The following BTBD9 variants were observed in gnomAD, a reference collection of about 807,000 sequenced individuals.
The protein encoded by BTBD9 is BTB/POZ domain-containing protein 9.
Under a neutral mutation model 64.3 loss-of-function variants are expected in BTBD9, and 49 were observed. The observed-to-expected ratio is 0.76, with a 90% CI of 0.61 to 0.97. The LOEUF is 0.97. BTBD9 is among the 50% of genes least tolerant of loss of function. BTBD9 has a pLI of 0.00. For synonymous variants in BTBD9, 260 were observed against 274.7 expected, an observed-to-expected ratio of 0.95 and a Z score of 0.53; for missense variants, 598 against 762.1, an observed-to-expected ratio of 0.78 and a Z score of 2.53.
intron 6 of BTBD9, among the ~76,000 whole-genome samples, chr6:38,570,228 G>A (rs1775700920): frequency 2.0e-5 from 3 of 152,110 alleles, no homozygotes; most frequent in Admixed American, 2.0e-4. Context: ...CTCCCCTACA[G>A]GATTGCTGGA....
In BTBD9 at chr6:38,597,929, C is replaced by T. The variant is rs1161124174; in HGVS notation, c.166G>A (p.Ala56Thr). The T allele has an allele frequency of 1.2e-6, 2 of 1,613,664 alleles. No homozygotes were observed. Among genetic ancestry groups the T allele is most frequent in the Non-Finnish European group, 1.7e-6 (2 of 1,179,828 alleles). Residue 56 changes from alanine to threonine, a missense_variant, in exon 2 of 11, where the codon GCC becomes ACC. Ala to Thr is a moderately conservative substitution (Grantham distance 58, BLOSUM62 0). Transcript: ENST00000481247. ...RFPAHRVILA[A>T]RCQYFRALLY... ...ACTTACCGAAAATATTGGCACCTGG[C>T]TGCTAAAATTACCCTGTGGGCAGGA...
chr6:38,216,478 C>T (rs1375347989), intron 9 of BTBD9, among the ~76,000 whole-genome samples: 1 of 152,170 alleles, frequency 6.6e-6, no homozygotes, highest in East Asian at 1.9e-4. Flanking sequence ...CACAGGCTCC[C>T]TCTTAAGATC....
At chr6:38,372,505 G>C (rs1215835612) in intron 6 of BTBD9, among the ~76,000 whole-genome samples, 1 of 152,070 alleles carries the variant, frequency 6.6e-6, no homozygotes, top group Non-Finnish European at 1.5e-5. Flanking sequence ...CATCCTTCAA[G>C]AAAAAAATAA....
At chr6:38,259,222 C>A (rs943399281) in intron 8 of BTBD9, among the ~76,000 whole-genome samples, 1 of 152,198 alleles carries the variant, frequency 6.6e-6, no homozygotes, top group Non-Finnish European at 1.5e-5. Context: ...ATATCTGGTT[C>A]ACAATTTACA....
At chr6:38,370,703 G>A (rs1765383842) in intron 6 of BTBD9, among the ~76,000 whole-genome samples, 1 of 152,186 alleles carries the variant, frequency 6.6e-6, no homozygotes, top group Non-Finnish European at 1.5e-5. Flanking sequence ...TATTTTATAG[G>A]AAATAATAAA....
At chr6:38,409,919 A>G (rs2127256203) in intron 6 of BTBD9, among the ~76,000 whole-genome samples, 1 of 152,282 alleles carries the variant, frequency 6.6e-6, no homozygotes, top group South Asian at 2.1e-4. Flanking sequence ...AAAACCAAAA[A>G]CAAGGCATAA....
At chr6:38,529,912 C>T (rs1241956839) in intron 6 of BTBD9, among the ~76,000 whole-genome samples, 1 of 152,152 alleles carries the variant, frequency 6.6e-6, no homozygotes, top group African/African-American at 2.4e-5. Flanking sequence ...GGTCTGACTG[C>T]CTGCGGGGTC....
At chr6:38,576,411 G>T (rs1776035140) in intron 6 of BTBD9, among the ~76,000 whole-genome samples, 1 of 152,156 alleles carries the variant, frequency 6.6e-6, no homozygotes, top group East Asian at 1.9e-4. Context: ...TCACACAAGA[G>T]GATCCCTGGG....
intron 6 of BTBD9, among the ~76,000 whole-genome samples, chr6:38,553,059 C>G (rs1774883248): frequency 6.6e-6 from 1 of 152,184 alleles, no homozygotes. Context: ...CTCTAGATTA[C>G]TTATACCTAA....
At chr6:38,241,254 A>G (rs1763983406) in intron 9 of BTBD9, among the ~76,000 whole-genome samples, 1 of 152,228 alleles carries the variant, frequency 6.6e-6, no homozygotes, top group Non-Finnish European at 1.5e-5. Flanking sequence ...AACATATGCT[A>G]TCTTCCTTTG....
At chr6:38,546,894 C>T (rs756264775) in intron 6 of BTBD9, among the ~76,000 whole-genome samples, 1 of 152,238 alleles carries the variant, frequency 6.6e-6, no homozygotes, top group East Asian at 1.9e-4. Flanking sequence ...TCTCGAACTC[C>T]CGACCTCAGG....
At chr6:38,592,500 T>C (rs1425642574) in intron 4 of BTBD9, 76 bp downstream of exon 4, 21 of 1,509,030 alleles carry the variant, frequency 1.4e-5, no homozygotes, top group Non-Finnish European at 1.8e-5. Flanking sequence ...CACGGTTCTG[T>C]AGTAGCTTTG....
chr6:38,409,772 C>T (rs558686154), intron 6 of BTBD9, among the ~76,000 whole-genome samples: 3 of 151,602 alleles, frequency 2.0e-5, no homozygotes, highest in Non-Finnish European at 2.9e-5. Context: ...TGCAGTGAGC[C>T]GAGATCATGC....
intron 8 of BTBD9, among the ~76,000 whole-genome samples, chr6:38,259,162 G>T (rs1036957545): frequency 6.6e-6 from 1 of 152,124 alleles, no homozygotes; most frequent in Non-Finnish European, 1.5e-5. Flanking sequence ...TTCACCAAAA[G>T]CCCATTTCTG....
chr6:38,606,320 T>C (rs188955641), intron 1 of BTBD9, among the ~76,000 whole-genome samples: 1 of 152,180 alleles, frequency 6.6e-6, no homozygotes, highest in Admixed American at 6.5e-5. Context: ...ATCAATCCTG[T>C]CCCTCTAGAG....
intron 6 of BTBD9, among the ~76,000 whole-genome samples, chr6:38,359,036 G>T (rs1210059970): frequency 6.6e-6 from 1 of 152,196 alleles, no homozygotes; most frequent in Non-Finnish European, 1.5e-5. Flanking sequence ...CTCCCAAAGT[G>T]CTGGGATTAC....
At chr6:38,240,211 C>A (rs1367325271) in intron 9 of BTBD9, among the ~76,000 whole-genome samples, 1 of 152,200 alleles carries the variant, frequency 6.6e-6, no homozygotes, top group Non-Finnish European at 1.5e-5. Flanking sequence ...GCTGCCTACT[C>A]CCATAAATGT....
chr6:38,402,692 G>T (rs1766989655), intron 6 of BTBD9: 1 of 628,764 alleles, frequency 1.6e-6, no homozygotes, highest in Non-Finnish European at 2.8e-6. Context: ...CTAAACATAA[G>T]AGTCAAAACT....
intron 9 of BTBD9, among the ~76,000 whole-genome samples, chr6:38,196,096 G>A (rs767662729): frequency 7.2e-5 from 11 of 152,228 alleles, no homozygotes; most frequent in Non-Finnish European, 1.0e-4. Flanking sequence ...CATGGGTGAC[G>A]GTCAAGACAG....
Sources: gnomAD v4.1 joint callset for allele counts (sites outside exome capture counted in the v4.1 genomes callset) on GRCh38, gnomAD v4.1.1 for gene constraint, MANE v1.5 for transcripts, NCBI Gene and HGNC (gene_info 2026-07-23, HGNC 2026-07-21) for gene names.